Variants in NIBAN2 observed in about 807,000 individuals in gnomAD.
The protein encoded by NIBAN2 is niban apoptosis regulator 2.
In NIBAN2, 36 loss-of-function variants were observed where a neutral mutation model predicts 81.8. The observed-to-expected ratio is 0.44, with a 90% CI of 0.34 to 0.58. The LOEUF (loss-of-function observed/expected upper bound fraction) is 0.58. NIBAN2 is among the 20% of genes least tolerant of loss of function. The probability of loss-of-function intolerance (pLI) is 0.02; values close to 1 mark genes in which losing one functional copy is unlikely to be tolerated. For synonymous variants in NIBAN2, 445 were observed against 441.6 expected, an observed-to-expected ratio of 1.01 and a Z score of -0.10; for missense variants, 897 against 1,014.1, an observed-to-expected ratio of 0.88 and a Z score of 1.57.
chr9:127,547,077 C>T (rs1204217799), intron 1 of NIBAN2, among the ~76,000 whole-genome samples: 3 of 151,998 alleles, frequency 2.0e-5, no homozygotes, highest in Non-Finnish European at 2.9e-5. Context: ...TTTATCAGCA[C>T]GTCCTAGGTC....
intron 1 of NIBAN2, among the ~76,000 whole-genome samples, chr9:127,556,841 C>G (rs193096578): frequency 6.6e-6 from 1 of 152,076 alleles, no homozygotes; most frequent in African/African-American, 2.4e-5. Context: ...CTTTGGGAGG[C>G]CAGGCAGGAG....
rs111862625 is a variant in NIBAN2 at position 127,556,399 on chromosome 9, C to T, written c.55+12421G>A. Among the ~76,000 whole-genome samples the T allele has an allele frequency of 9.2e-3, 1,398 of 152,190 alleles. 24 individuals are homozygous for T. Among genetic ancestry groups the T allele is most frequent in the African/African-American group, 0.03 (1,265 of 41,502 alleles). ...CACACACATTCTGCACCTACCAGGA[C>T]CTTCATCCAGAGAGCTTTGGGATCC... On this transcript the variant is annotated intron_variant, in intron 1 of 13. Transcript: ENST00000373312.
intron 1 of NIBAN2, among the ~76,000 whole-genome samples, chr9:127,577,411 A>G (rs1838023123): frequency 6.6e-6 from 1 of 151,580 alleles, no homozygotes. Flanking sequence ...CTCCAGATCC[A>G]ATACCCCACA....
intron 8 of NIBAN2, among the ~76,000 whole-genome samples, chr9:127,510,539 C>G (rs1423676029): frequency 6.6e-6 from 1 of 152,118 alleles, no homozygotes; most frequent in African/African-American, 2.4e-5. Context: ...CAGGTTCAAG[C>G]AATTCTCCTG....
At position 127,558,484 on chromosome 9, in the gene NIBAN2, G is replaced by A. The variant is rs982582244; in HGVS notation, c.55+10336C>T. 5.3e-5 allele frequency among the ~76,000 whole-genome samples: 8 copies of A among 152,140 alleles called. No individual in the cohort carries two copies. In the South Asian group the frequency reaches 1.0e-3, roughly 20 times the overall value. On this transcript the variant is annotated intron_variant, in intron 1 of 13. Transcript: ENST00000373312. The stretch of plus-strand genomic sequence containing the variant: ...TTACTGGGGCATGAGAAAAAGGAGG[G>A]GATTGGTTAGAGGAGCTCATGGGGT...
chr9:127,564,856 C>T (rs1464392030), intron 1 of NIBAN2, among the ~76,000 whole-genome samples: 2 of 141,962 alleles, frequency 1.4e-5, no homozygotes, highest in African/African-American at 2.6e-5. Context: ...CTGAGTGAGA[C>T]GCCATCTCAA....
intron 1 of NIBAN2, among the ~76,000 whole-genome samples, chr9:127,537,144 G>A (rs755252948): frequency 4.6e-5 from 7 of 152,212 alleles, no homozygotes; most frequent in Non-Finnish European, 8.8e-5. Context: ...CAGGTGCCCA[G>A]CCTCCTGGTG....
chr9:127,523,568 G>A, intron 5 of NIBAN2, 111 bp downstream of exon 5: 1 of 1,045,656 alleles, frequency 9.6e-7, no homozygotes, highest in Non-Finnish European at 1.4e-6. Context: ...AATTAGAACA[G>A]CCTGTAGAGC....
chr9:127,533,308 T>A (rs1395963747), intron 1 of NIBAN2, among the ~76,000 whole-genome samples: 2 of 151,972 alleles, frequency 1.3e-5, no homozygotes, highest in Non-Finnish European at 2.9e-5. Context: ...ATAGAAAAAA[T>A]TAGCCAGGCA....
intron 1 of NIBAN2, among the ~76,000 whole-genome samples, chr9:127,551,503 A>C (rs1837575115): frequency 6.6e-6 from 1 of 152,130 alleles, no homozygotes; most frequent in Non-Finnish European, 1.5e-5. Context: ...AGCCTGGGCA[A>C]CAGAGCGAGA....
intron 1 of NIBAN2, among the ~76,000 whole-genome samples, chr9:127,550,811 C>T (rs183945108): frequency 6.6e-6 from 1 of 152,336 alleles, no homozygotes; most frequent in East Asian, 1.9e-4. Context: ...GAAAAGGTCA[C>T]TACCTCCTCA....
intron 8 of NIBAN2, among the ~76,000 whole-genome samples, chr9:127,510,643 G>T (rs1427275055): frequency 6.6e-6 from 1 of 152,036 alleles, no homozygotes; most frequent in African/African-American, 2.4e-5. Context: ...CACCATGTTG[G>T]TCAGGCTGGT....
chr9:127,575,139 C>T (rs1031733006), intron 1 of NIBAN2, among the ~76,000 whole-genome samples: 2 of 152,170 alleles, frequency 1.3e-5, no homozygotes, highest in Non-Finnish European at 2.9e-5. Context: ...CCTCCCCCCA[C>T]TTCCCCTCCC....
intron 1 of NIBAN2, among the ~76,000 whole-genome samples, chr9:127,565,162 A>G (rs771604703): frequency 6.6e-6 from 1 of 151,980 alleles, no homozygotes; most frequent in Non-Finnish European, 1.5e-5. Context: ...GGGCTTTGCC[A>G]TGTTGCCCAC....
rs1836609503 is a variant in NIBAN2 at position 127,506,946 on chromosome 9, G to A, written c.2140C>T (p.Pro714Ser). The change falls in exon 14 of 14, where the codon CCC (proline) becomes TCC (serine). Residue 714 changes from proline (P) to serine (S), a missense_variant. This residue lies in a region of NIBAN2 where 619 missense variants were observed against 691.0 expected (regional missense o/e 0.90). Transcript: ENST00000373312. ...TGCTCTCCAGTCTCCTGGTCGCTGG[G>A]CTTGGGGGGCCCAAGGTCCACAGCC... ...GKAVDLGPPK[P>S]SDQETGEQVS... The A allele has an allele frequency of 6.2e-7, 1 of 1,608,598 alleles. No individual in the cohort carries two copies. The highest frequency in any genetic ancestry group is 8.5e-7 in the Non-Finnish European group (1 of 1,177,780).
chr9:127,547,559 C>A (rs1384513665), intron 1 of NIBAN2, among the ~76,000 whole-genome samples: 1 of 151,054 alleles, frequency 6.6e-6, no homozygotes, highest in African/African-American at 2.4e-5. Context: ...ACAGCACCAC[C>A]GGGCACGGTG....
intron 1 of NIBAN2, among the ~76,000 whole-genome samples, chr9:127,535,424 C>T (rs937631505): frequency 1.2e-4 from 18 of 152,298 alleles, no homozygotes; most frequent in African/African-American, 1.9e-4. Flanking sequence ...CATGTCCCAC[C>T]GAGGGACAGT....
At position 127,525,178 on chromosome 9, in the gene NIBAN2, A is replaced by G; in HGVS notation, c.316-15T>C. ...CGCTCATAGGCCTGAGGGAGGCAAG[A>G]GAGAGGGTCCCTGAGGGTTAAGGTG... On this transcript the variant is annotated splice_polypyrimidine_tract_variant and intron_variant, in intron 3 of 13. Coordinates refer to ENST00000373312, the MANE Select transcript of NIBAN2 (RefSeq NM_022833.4). 4 of 1,606,236 alleles carry G rather than the reference A, an allele frequency of 2.5e-6. No homozygotes were observed. The highest frequency in any genetic ancestry group is 3.4e-6 in the Non-Finnish European group (4 of 1,172,998).
intron 1 of NIBAN2, among the ~76,000 whole-genome samples, chr9:127,547,836 T>C (rs1445871423): frequency 6.6e-6 from 1 of 151,742 alleles, no homozygotes; most frequent in African/African-American, 2.4e-5. Context: ...AAACTCCACC[T>C]CAAAAACAAA....
Sources: allele counts gnomAD v4.1 joint callset (sites outside exome capture counted in the v4.1 genomes callset), GRCh38; gene constraint gnomAD v4.1.1; regional missense constraint gnomAD v4.1.1; transcripts MANE v1.5; gene names NCBI Gene and HGNC (gene_info 2026-07-23, HGNC 2026-07-21).